Variants in EEF1AKMT1 observed in about 807,000 individuals in gnomAD.
The protein encoded by EEF1AKMT1 is N-6 adenine-specific DNA methyltransferase 2 (putative).
EEF1AKMT1 carries 18 observed loss-of-function variants against 21.0 expected under a neutral mutation model. The ratio of observed to expected loss-of-function variants is 0.86; its 90% confidence interval spans 0.59 to 1.27. EEF1AKMT1 has a LOEUF of 1.27. EEF1AKMT1 is among the 50% of genes most tolerant of loss of function. The pLI is 0.00. For missense variants in EEF1AKMT1, 246 were observed against 258.6 expected, an observed-to-expected ratio of 0.95 and a Z score of 0.33; for synonymous variants, 109 against 94.8, an observed-to-expected ratio of 1.15 and a Z score of -0.87.
Position 20,730,289 on chromosome 13 carries a change from C to T in EEF1AKMT1, c.509-1073G>A, listed in dbSNP as rs866677243. ...CGTGCAGGCAACCACGGCATCTGTG[C>T]GAACAGAGCGCCCCTTCCCACACAC... On this transcript the variant is annotated intron_variant, in intron 4 of 4. Coordinates refer to ENST00000382758, the MANE Select transcript of EEF1AKMT1 (RefSeq NM_001318939.2). Among the ~76,000 whole-genome samples, 144 of 152,198 alleles carry T rather than the reference C, an allele frequency of 9.5e-4. 1 individual carries two copies. Among genetic ancestry groups the T allele is most frequent in the African/African-American group, 3.4e-3 (139 of 41,460 alleles).
At chr13:20,747,987 GT>G in intron 2 of EEF1AKMT1, 1 of 247,696 alleles carries the variant, frequency 4.0e-6, no homozygotes. Flanking sequence ...CATAAATCTA[GT>G]TTTTCCAGTA....
intron 2 of EEF1AKMT1, among the ~76,000 whole-genome samples, chr13:20,739,221 T>C (rs776734692): frequency 6.6e-6 from 1 of 152,180 alleles, no homozygotes; most frequent in Non-Finnish European, 1.5e-5. Flanking sequence ...GGAGTGAAGC[T>C]GGAGACCTTC....
At chr13:20,760,559 G>A (rs528888517) in intron 1 of EEF1AKMT1, among the ~76,000 whole-genome samples, 30 of 152,096 alleles carry the variant, frequency 2.0e-4, no homozygotes, top group African/African-American at 7.0e-4. Flanking sequence ...GAAGAGTGGG[G>A]GAAGGATTGA....
intron 3 of EEF1AKMT1, among the ~76,000 whole-genome samples, chr13:20,735,682 A>C (rs1160283097): frequency 1.3e-5 from 2 of 152,224 alleles, no homozygotes; most frequent in Non-Finnish European, 2.9e-5. Flanking sequence ...CCCACCCTTC[A>C]ATGTCCACAG....
chr13:20,745,805 G>C lies in EEF1AKMT1; in HGVS notation c.145-8000C>G, dbSNP rs568581590. Among the ~76,000 whole-genome samples, 528 of 152,198 alleles carry C rather than the reference G, an allele frequency of 3.5e-3. 3 individuals carry two copies. Among genetic ancestry groups the C allele is most frequent in the African/African-American group, 0.012 (500 of 41,524 alleles). On this transcript the variant is annotated intron_variant, in intron 2 of 4. Transcript: ENST00000382758. ...AGAGGTTGCAGTAAGCCGAGATTGT[G>C]CCACTGCACTCCAGCCTGGGTGACA...
rs1316051395 is a variant in EEF1AKMT1 at position 20,744,935 on chromosome 13, A to G, written c.145-7130T>C. On this transcript the variant is annotated intron_variant, in intron 2 of 4. Coordinates refer to ENST00000382758, the MANE Select transcript of EEF1AKMT1 (RefSeq NM_001318939.2). ...CAGTTTTCCCAGCATCCTTTATTAA[A>G]TAGGGAATCCTTTCCCCATTGCTTG... is the stretch of plus-strand genomic sequence containing the variant. Among the ~76,000 whole-genome samples the G allele has an allele frequency of 3.3e-5, 5 of 152,316 alleles. No individual in the cohort carries two copies. The East Asian group carries it at 7.7e-4, about 23-fold the overall frequency.
chr13:20,764,674 T>C (rs1438649241), intron 1 of EEF1AKMT1, among the ~76,000 whole-genome samples: 1 of 152,168 alleles, frequency 6.6e-6, no homozygotes, highest in Non-Finnish European at 1.5e-5. Context: ...CTTCATGTAA[T>C]TTAAATTGTT....
At chr13:20,740,908 C>G (rs567212984) in intron 2 of EEF1AKMT1, among the ~76,000 whole-genome samples, 1 of 152,204 alleles carries the variant, frequency 6.6e-6, no homozygotes, top group South Asian at 2.1e-4. Flanking sequence ...GAGCTTTACT[C>G]AGAGTATGGA....
intron 1 of EEF1AKMT1, among the ~76,000 whole-genome samples, chr13:20,764,824 T>A (rs1417808965): frequency 1.5e-5 from 2 of 135,076 alleles, no homozygotes; most frequent in Non-Finnish European, 3.4e-5. Context: ...ATAAAAGTGC[T>A]CATGCTTTTA....
intron 2 of EEF1AKMT1, among the ~76,000 whole-genome samples, chr13:20,744,228 T>C (rs557246717): frequency 1.3e-5 from 2 of 152,288 alleles, no homozygotes; most frequent in South Asian, 2.1e-4. Context: ...TCAAATGGTA[T>C]TTCTCGTTCT....
chr13:20,744,906 T>C (rs1439022828), intron 2 of EEF1AKMT1, among the ~76,000 whole-genome samples: 3 of 152,244 alleles, frequency 2.0e-5, no homozygotes, highest in Non-Finnish European at 4.4e-5. Context: ...TGCATATGGC[T>C]AGCCAGTTTT....
chr13:20,738,430 G>A (rs975418138), intron 2 of EEF1AKMT1, among the ~76,000 whole-genome samples: 52 of 152,182 alleles, frequency 3.4e-4, no homozygotes, highest in Admixed American at 3.1e-3. Context: ...GAGTTTAATG[G>A]AAGAAGTAGC....
Position 20,731,981 on chromosome 13 carries a change from G to A in EEF1AKMT1, c.368C>T (p.Pro123Leu). Residue 123 changes from proline (P) to leucine (L), a missense_variant, in exon 4 of 5, where the codon CCA (proline) becomes CTA (leucine). Physicochemically the swap from Pro to Leu is moderately conservative, Grantham distance 98 (BLOSUM62 -3). Coordinates refer to ENST00000382758, the MANE Select transcript of EEF1AKMT1 (RefSeq NM_001318939.2). The part of the protein sequence containing the change: ...EEFIFYDYNN[P>L]LDLPERIAAH... ...AGCAATTCTTTCGGGTAAGTCCAAT[G>A]GATTATTGTAATCATAGAAAATAAA... is the stretch of plus-strand genomic sequence containing the variant. The A allele has an allele frequency of 6.2e-7, 1 of 1,614,176 alleles. No homozygotes were observed. Among genetic ancestry groups the A allele is most frequent in the Non-Finnish European group, 8.5e-7 (1 of 1,180,042 alleles).
chr13:20,773,420 C>G (rs1157849278), intron 1 of EEF1AKMT1, among the ~76,000 whole-genome samples: 1 of 152,248 alleles, frequency 6.6e-6, no homozygotes, highest in Non-Finnish European at 1.5e-5. Context: ...CCGCATCCTG[C>G]AAGGGACCTG....
intron 3 of EEF1AKMT1, among the ~76,000 whole-genome samples, chr13:20,733,644 G>A (rs1459805066): frequency 6.6e-6 from 1 of 152,198 alleles, no homozygotes; most frequent in African/African-American, 2.4e-5. Flanking sequence ...TTTCATGGGA[G>A]TGGGAATATA....
intron 2 of EEF1AKMT1, among the ~76,000 whole-genome samples, chr13:20,751,891 T>G (rs1737841999): frequency 6.6e-6 from 1 of 152,172 alleles, no homozygotes; most frequent in Non-Finnish European, 1.5e-5. Context: ...ACTAGGTATT[T>G]CTTTTTTTTG....
chr13:20,732,112 A>T lies in EEF1AKMT1; in HGVS notation c.237T>A (p.Cys79Ter). 1 of 1,609,520 alleles carries T rather than the reference A, an allele frequency of 6.2e-7. No individual in the cohort carries two copies. Among genetic ancestry groups the T allele is most frequent in the Non-Finnish European group, 8.5e-7 (1 of 1,177,904 alleles). ...TCTGGTAAACACTAGGGGCACTCAC[A>T]CATGCGATTCTAGGAGACAAAATGA... is the stretch of plus-strand genomic sequence containing the variant. ...AAVGEGGRIACVSAPSVYQKL... is the reference protein window; with the variant it reads ...AAVGEGGRIA The change falls in exon 4 of 5, where the codon TGT becomes TGA. Residue 79 changes from cysteine to a stop codon, truncating the protein, a stop_gained. Coordinates refer to ENST00000382758, the MANE Select transcript of EEF1AKMT1 (RefSeq NM_001318939.2). LOFTEE classifies it high-confidence loss of function.
chr13:20,741,781 C>T (rs1595017289), intron 2 of EEF1AKMT1, among the ~76,000 whole-genome samples: 3 of 152,108 alleles, frequency 2.0e-5, no homozygotes, highest in Admixed American at 1.3e-4. Flanking sequence ...AACATCTTTA[C>T]TCTTCATTCA....
At position 20,757,553 on chromosome 13, in the gene EEF1AKMT1, C is replaced by T. The variant is rs761862243; in HGVS notation, c.46G>A (p.Ala16Thr). ...TAAAATTCCTGGAGAGCTGCTAAGG[C>T]ATGGGCAGAAAGCTGGGGTGTCTCA... Reference protein sequence around the residue: ...DDETPQLSAHALAALQEFYAE... With the variant: ...DDETPQLSAHTLAALQEFYAE... Residue 16 changes from alanine (A) to threonine (T), a missense_variant, in exon 2 of 5, where the codon GCC becomes ACC. By Grantham distance (58) the Ala-to-Thr change is moderately conservative (BLOSUM62 0). Coordinates refer to ENST00000382758, the MANE Select transcript of EEF1AKMT1 (RefSeq NM_001318939.2). 7.4e-6 allele frequency: 12 copies of T among 1,614,066 alleles called. No homozygotes were observed. The East Asian group carries it at 2.7e-4, about 36-fold the overall frequency.
Sources: gnomAD v4.1 joint callset for allele counts (sites outside exome capture counted in the v4.1 genomes callset) on GRCh38, gnomAD v4.1.1 for gene constraint, MANE v1.5 for transcripts, NCBI Gene and HGNC (gene_info 2026-07-23, HGNC 2026-07-21) for gene names.